MACROD2: variants seen among roughly 807,000 people sequenced by gnomAD.
MACROD2 encodes mono-ADP ribosylhydrolase 2.
Under a neutral mutation model 70.4 loss-of-function variants are expected in MACROD2, and 36 were observed. That is an observed-to-expected ratio of 0.51 (90% CI 0.39 to 0.68). The LOEUF (loss-of-function observed/expected upper bound fraction) is 0.68, where lower values mean the gene tolerates loss of function less well. Ranked by LOEUF, MACROD2 falls within the 30% of genes least tolerant of loss-of-function variation. The probability of loss-of-function intolerance (pLI) is 0.00; values close to 1 mark genes in which losing one functional copy is unlikely to be tolerated. For synonymous variants in MACROD2, 172 were observed against 178.8 expected, an observed-to-expected ratio of 0.96 and a Z score of 0.30; for missense variants, 496 against 538.4, an observed-to-expected ratio of 0.92 and a Z score of 0.78.
At chr20:14,360,002 CAA>C (rs2083206821) in intron 3 of MACROD2, among the ~76,000 whole-genome samples, 1 of 150,046 alleles carries the variant, frequency 6.7e-6, no homozygotes, top group South Asian at 2.1e-4. Context: ...AAGCCAGACA[CAA>C]AAAGACAAAT....
At chr20:14,860,294 G>A (rs1324432986) in intron 5 of MACROD2, among the ~76,000 whole-genome samples, 1 of 152,074 alleles carries the variant, frequency 6.6e-6, no homozygotes, top group Non-Finnish European at 1.5e-5. Context: ...CAATATTGAG[G>A]GGGAACAGGA....
chr20:14,484,086 T>A (rs930614219), intron 3 of MACROD2, among the ~76,000 whole-genome samples: 15 of 151,968 alleles, frequency 9.9e-5, no homozygotes, highest in Admixed American at 3.3e-4. Context: ...ACCAAAACAT[T>A]TGATTCAGAT....
intron 3 of MACROD2, among the ~76,000 whole-genome samples, chr20:14,434,732 C>T (rs1003528296): frequency 5.3e-5 from 8 of 152,116 alleles, no homozygotes; most frequent in African/African-American, 1.9e-4. Flanking sequence ...TCCCCCATTT[C>T]TAACTTTCTT....
chr20:14,525,058 C>G (rs1245271641), intron 4 of MACROD2, among the ~76,000 whole-genome samples: 1 of 152,106 alleles, frequency 6.6e-6, no homozygotes, highest in Admixed American at 6.5e-5. Context: ...ATTTAGAATT[C>G]CGAATTTATT....
At chr20:14,758,061 G>T in intron 5 of MACROD2, 1 of 600,100 alleles carries the variant, frequency 1.7e-6, no homozygotes, top group East Asian at 2.8e-5. Flanking sequence ...CAATAAATTT[G>T]GAGAGGGTTA....
chr20:15,504,952 C>T (rs1280165005), intron 8 of MACROD2, among the ~76,000 whole-genome samples: 6 of 152,078 alleles, frequency 3.9e-5, no homozygotes, highest in Admixed American at 6.5e-5. Context: ...TAATTCTTTG[C>T]GGAATAGGTA....
intron 3 of MACROD2, among the ~76,000 whole-genome samples, chr20:14,213,361 C>CAAAA (rs60009822): frequency 0.13 from 3,994 of 30,196 alleles, 1,611 homozygotes; most frequent in Middle Eastern, 0.25. Context: ...CTTCTAGTGG[C>CAAAA]AAAAAAAAAA....
At chr20:14,013,673 GC>G (rs2052946055) in intron 2 of MACROD2, among the ~76,000 whole-genome samples, 1 of 109,830 alleles carries the variant, frequency 9.1e-6, no homozygotes, top group Non-Finnish European at 1.9e-5. Context: ...CTTATATTAA[GC>G]TTTTTTTTTT....
intron 4 of MACROD2, among the ~76,000 whole-genome samples, chr20:14,644,779 T>C (rs543177842): frequency 1.6e-4 from 25 of 152,306 alleles, no homozygotes; most frequent in Middle Eastern, 6.8e-3. Flanking sequence ...TATATTGCTG[T>C]TGTGTTCAAA....
At chr20:15,527,061 G>A (rs937991325) in intron 8 of MACROD2, among the ~76,000 whole-genome samples, 5 of 152,120 alleles carry the variant, frequency 3.3e-5, no homozygotes, top group African/African-American at 1.2e-4. Flanking sequence ...CTTTAAGTAT[G>A]GGGAAGTAAG....
chr20:14,734,344 A>G (rs2071632811), intron 5 of MACROD2, among the ~76,000 whole-genome samples: 1 of 151,668 alleles, frequency 6.6e-6, no homozygotes, highest in East Asian at 1.9e-4. Context: ...TAAAAATACG[A>G]AAAAAAATTA....
chr20:14,090,715 C>T (rs1253822687), intron 3 of MACROD2, among the ~76,000 whole-genome samples: 1 of 152,140 alleles, frequency 6.6e-6, no homozygotes, highest in Non-Finnish European at 1.5e-5. Context: ...AATAATGCTG[C>T]AGTGAACATG....
At chr20:14,905,816 G>C (rs41275420) in intron 5 of MACROD2, 3 of 152,094 alleles carry the variant, frequency 2.0e-5, no homozygotes, top group African/African-American at 7.2e-5. Flanking sequence ...CATTCATAGA[G>C]AGGTGTCTTC....
chr20:15,858,778 G>A (rs780131014), intron 8 of MACROD2, among the ~76,000 whole-genome samples: 4 of 152,148 alleles, frequency 2.6e-5, no homozygotes, highest in Non-Finnish European at 5.9e-5. Context: ...GTACAAGAGC[G>A]AGGCTCCCAA....
At chr20:15,552,087 G>C (rs2146589649) in intron 8 of MACROD2, 1 of 152,240 alleles carries the variant, frequency 6.6e-6, no homozygotes, top group Non-Finnish European at 1.5e-5. Flanking sequence ...GGGAAGTTAG[G>C]TAAGTATATG....
intron 5 of MACROD2, among the ~76,000 whole-genome samples, chr20:15,175,542 A>T (rs1056718117): frequency 1.2e-4 from 19 of 152,206 alleles, no homozygotes; most frequent in African/African-American, 4.6e-4. Context: ...ACACTACTTA[A>T]AATGTTTAGT....
At chr20:15,451,417 T>TAA (rs35308671) in intron 7 of MACROD2, among the ~76,000 whole-genome samples, 9,196 of 83,362 alleles carry the variant, frequency 0.11, 1,492 homozygotes, top group East Asian at 0.18. Flanking sequence ...GGGTGGTAAA[T>TAA]AAAAAAAAAA....
At chr20:14,415,480 GT>G (rs1209502702) in intron 3 of MACROD2, among the ~76,000 whole-genome samples, 3 of 152,132 alleles carry the variant, frequency 2.0e-5, no homozygotes, top group Admixed American at 2.0e-4. Flanking sequence ...TGAGAGAAAA[GT>G]TCTTTGTAAA....
At chr20:15,260,975 C>A (rs750683087) in intron 6 of MACROD2, among the ~76,000 whole-genome samples, 19 of 151,938 alleles carry the variant, frequency 1.3e-4, no homozygotes, top group Non-Finnish European at 2.4e-4. Context: ...TGAGGTTATT[C>A]AATCTTGCAG....
Sources: allele counts gnomAD v4.1 joint callset (sites outside exome capture counted in the v4.1 genomes callset), GRCh38; gene constraint gnomAD v4.1.1; transcripts MANE v1.5; gene names NCBI Gene and HGNC (gene_info 2026-07-23, HGNC 2026-07-21).